SPPL2B: variants seen among roughly 807,000 people sequenced by gnomAD.
The protein encoded by SPPL2B is signal peptide peptidase like 2B.
SPPL2B carries 39 observed loss-of-function variants against 59.7 expected under a neutral mutation model. The observed-to-expected ratio is 0.65, with a 90% confidence interval of 0.51 to 0.85. SPPL2B has a LOEUF of 0.85. Ranked by LOEUF, SPPL2B falls within the 40% of genes least tolerant of loss-of-function variation. The pLI is 0.00. For synonymous variants in SPPL2B, 419 were observed against 370.8 expected (o/e 1.13, Z -1.49); for missense variants, 865 against 849.0 (o/e 1.02, Z -0.23).
chr19:2,340,398 C>A, intron 7 of SPPL2B: 1 of 620,232 alleles, frequency 1.6e-6, no homozygotes. Flanking sequence ...GGGGAGGGTG[C>A]CCTTGTCCCC....
chr19:2,351,737 C>T, intron 14 of SPPL2B, 143 bp downstream of exon 14: 1 of 1,164,510 alleles, frequency 8.6e-7, no homozygotes, highest in Non-Finnish European at 1.2e-6. Context: ...CTTTGGGTGT[C>T]ATGCGCGTGA....
chr19:2,345,576 T>A (rs1969319575), intron 13 of SPPL2B, among the ~76,000 whole-genome samples: 1 of 151,660 alleles, frequency 6.6e-6, no homozygotes. Flanking sequence ...CAACCCCCTC[T>A]TTCTCATTCT....
At chr19:2,340,256 G>C in intron 7 of SPPL2B, 84 bp downstream of exon 7, 1 of 1,085,612 alleles carries the variant, frequency 9.2e-7, no homozygotes, top group Non-Finnish European at 1.3e-6. Context: ...GCCCCCCATG[G>C]TGCAATATTG....
At chr19:2,343,003 T>C (rs1414141874) in intron 8 of SPPL2B, 1 of 579,848 alleles carries the variant, frequency 1.7e-6, no homozygotes, top group Non-Finnish European at 3.1e-6. Context: ...GGCCCTGGGG[T>C]GGGGCCTGTG....
At chr19:2,352,647 C>T (rs531573817) in intron 14 of SPPL2B, among the ~76,000 whole-genome samples, 1 of 152,208 alleles carries the variant, frequency 6.6e-6, no homozygotes, top group East Asian at 1.9e-4. Flanking sequence ...CAGGAGAAGC[C>T]GGGGACCAGG....
At position 2,332,200 on chromosome 19, in the gene SPPL2B, T is replaced by C. The variant is rs777863243; in HGVS notation, c.67-2402T>C. Among the ~76,000 whole-genome samples, 16 of 151,702 alleles carry C rather than the reference T, an allele frequency of 1.1e-4. No individual in the cohort carries two copies. Among genetic ancestry groups the C allele is most frequent in the Admixed American group, 2.0e-4 (3 of 15,250 alleles). The stretch of plus-strand genomic sequence containing the variant: ...CAAGAGCTATGAGACCCCCAGTCGA[T>C]TGTGGGGACCGGGGCTCCGTGGGCT... On this transcript the variant is annotated intron_variant, in intron 1 of 14. Coordinates refer to ENST00000613503, the MANE Select transcript of SPPL2B (RefSeq NM_152988.3). This position sits in a 1 kb window ranked among gnomAD's most constrained non-coding sequence, Gnocchi z 4.6.
intron 1 of SPPL2B, 93 bp downstream of exon 1, chr19:2,328,868 C>T (rs1968129896): frequency 1.8e-6 from 2 of 1,138,324 alleles, no homozygotes; most frequent in Non-Finnish European, 2.3e-6. Context: ...CCGCTCGGCC[C>T]GTCTTGGGGG....
In SPPL2B at chr19:2,339,127, A is replaced by G; in HGVS notation, c.518A>G (p.Tyr173Cys). 1 of 1,589,354 alleles carries G rather than the reference A, an allele frequency of 6.3e-7. No homozygotes were observed. Among genetic ancestry groups the G allele is most frequent in the Non-Finnish European group, 8.6e-7 (1 of 1,168,098 alleles). Residue 173 changes from tyrosine to cysteine, a missense_variant, in exon 5 of 15, where the codon TAC becomes TGC. Physicochemically the swap from Tyr to Cys is radical, Grantham distance 194 (BLOSUM62 -2). Transcript: ENST00000613503. ...LYAPKEPVLDYNMVIIFIMAV... is the reference protein window; with the variant it reads ...LYAPKEPVLDCNMVIIFIMAV... ...GCGCCTAAGGAGCCGGTGCTGGACT[A>G]CAACATGGTCATCATCTTCATCATG...
rs1239718363 is a variant in SPPL2B at position 2,328,741 on chromosome 19, G to C, written c.32G>C (p.Arg11Pro). 2 of 1,462,238 alleles carry C rather than the reference G, an allele frequency of 1.4e-6. No homozygotes were observed. The highest frequency in any genetic ancestry group is 3.0e-5 in the African/African-American group (2 of 67,166). 90.6% of individuals were successfully genotyped at this position (1,462,238 alleles called of 1,614,324 possible). A position where few individuals can be genotyped will look rare whatever the true frequency, so the allele number is the denominator to read the frequency against. The change falls in exon 1 of 15, where the codon CGG (arginine) becomes CCG (proline). Residue 11 changes from arginine to proline, a missense_variant. Arg to Pro is a moderately radical substitution (Grantham distance 103). Coordinates refer to ENST00000613503, the MANE Select transcript of SPPL2B (RefSeq NM_152988.3). MAAAVAAALA[R>P]LLAAFLLLAA... The stretch of plus-strand genomic sequence containing the variant: ...GCAGCGGTGGCGGCTGCGCTGGCGC[G>C]GCTTTTGGCGGCCTTTCTGCTCCTC...
chr19:2,352,680 C>T (rs888625015), intron 14 of SPPL2B, among the ~76,000 whole-genome samples: 1 of 152,038 alleles, frequency 6.6e-6, no homozygotes, highest in Non-Finnish European at 1.5e-5. Flanking sequence ...AGACGGTAGT[C>T]CAGGCTTTTC....
rs773287471 is a variant in SPPL2B, at chr19:2,338,753, TC to T, written c.377del (p.Pro126ArgfsTer34). 2 of 1,608,328 alleles carry T rather than the reference TC, an allele frequency of 1.2e-6. No individual in the cohort carries two copies. The highest frequency in any genetic ancestry group is 2.7e-5 in the African/African-American group (2 of 74,788). On this transcript the variant is annotated frameshift_variant and splice_region_variant, in exon 4 of 15. Transcript: ENST00000613503. LOFTEE classifies it high-confidence loss of function. ...CCGCTCCCTCCTCTGGGCCCCCAGG[TC>T]CCCCCGGGGGGTAATAAGACGCAGT... ...GLLIVSRERL[V>X]PPGGNKTQYD...
chr19:2,353,839 C>T lies in SPPL2B; in HGVS notation c.*630C>T, dbSNP rs1410637517. On this transcript the variant is annotated 3_prime_UTR_variant, in exon 15 of 15. Coordinates refer to ENST00000613503, the MANE Select transcript of SPPL2B (RefSeq NM_152988.3). ...GCTGGCAGTAAGTGGACAAGCTGCT[C>T]CCCTGGCTAAGGCCCTGCCCTGCCC... 1 of 153,250 alleles carries T rather than the reference C, an allele frequency of 6.5e-6. No homozygotes were observed. The highest frequency in any genetic ancestry group is 6.5e-5 in the Admixed American group (1 of 15,344). 9.5% of individuals were successfully genotyped at this position (153,250 alleles called of 1,614,324 possible).
intron 2 of SPPL2B, among the ~76,000 whole-genome samples, chr19:2,336,826 G>T (rs1190445270): frequency 7.0e-6 from 1 of 143,388 alleles, no homozygotes; most frequent in Non-Finnish European, 1.5e-5. Context: ...CCTGGCTGCG[G>T]CTATGTGCGT....
chr19:2,354,824 G>T lies in SPPL2B; in HGVS notation c.*1615G>T, dbSNP rs1044087035. The T allele has an allele frequency of 2.6e-5, 4 of 152,268 alleles. No individual in the cohort carries two copies. The highest frequency in any genetic ancestry group is 9.6e-5 in the African/African-American group (4 of 41,458). The allele number at this position is 152,268 out of a possible 1,614,324, so 9.4% of individuals were successfully genotyped here. ...TACATATGGCCCGGCCTCTGCCTCC[G>T]CAGTGCACGGCTTGGGGCATCTGCT... is the stretch of plus-strand genomic sequence containing the variant. On this transcript the variant is annotated 3_prime_UTR_variant, in exon 15 of 15. Transcript: ENST00000613503.
chr19:2,337,327 G>A, intron 2 of SPPL2B, 116 bp from the exon 3 acceptor site: 1 of 1,031,570 alleles, frequency 9.7e-7, no homozygotes. Context: ...GCCGTGCGGG[G>A]CTTTAGGTGA....
intron 13 of SPPL2B, among the ~76,000 whole-genome samples, chr19:2,347,149 T>C (rs1000021910): frequency 6.8e-6 from 1 of 146,956 alleles, no homozygotes; most frequent in African/African-American, 2.7e-5. Context: ...GCGCTCTCAT[T>C]CACCTGATTC....
chr19:2,329,104 C>G (rs1050368847), intron 1 of SPPL2B, among the ~76,000 whole-genome samples: 1 of 152,268 alleles, frequency 6.6e-6, no homozygotes, highest in Non-Finnish European at 1.5e-5. Flanking sequence ...ACGCCTCTCT[C>G]CGGCTCTGTG....
At chr19:2,346,566 C>T (rs779582602) in intron 13 of SPPL2B, among the ~76,000 whole-genome samples, 1 of 152,188 alleles carries the variant, frequency 6.6e-6, no homozygotes, top group Non-Finnish European at 1.5e-5. Context: ...ACTCTGCAGG[C>T]TGAGGTGGGA....
chr19:2,334,871 C>A, intron 2 of SPPL2B, 150 bp downstream of exon 2: 1 of 1,053,652 alleles, frequency 9.5e-7, no homozygotes, highest in Non-Finnish European at 1.3e-6. Flanking sequence ...GCCCCCAGTT[C>A]CCCTGGGCCT....
Sources: gnomAD v4.1 joint callset for allele counts (sites outside exome capture counted in the v4.1 genomes callset) on GRCh38, gnomAD v4.1.1 for gene constraint, Gnocchi (gnomAD v3.1) non-coding constraint, MANE v1.5 for transcripts, NCBI Gene and HGNC (gene_info 2026-07-23, HGNC 2026-07-21) for gene names.